Variants in WWOX observed in about 807,000 individuals in gnomAD.
The protein encoded by WWOX is WW domain-containing oxidoreductase.
In WWOX, 69 loss-of-function variants were observed where a neutral mutation model predicts 46.2. That is an observed-to-expected ratio of 1.49 (90% CI 1.23 to 1.82). The LOEUF is 1.82. Ranked by LOEUF, WWOX falls within the 40% of genes most tolerant of loss-of-function variation. The pLI is 0.00. For synonymous variants in WWOX, 359 were observed against 202.6 expected, an observed-to-expected ratio of 1.77 and a Z score of -6.56; for missense variants, 919 against 542.6, an observed-to-expected ratio of 1.69 and a Z score of -6.89.
chr16:78,451,878 G>T (rs2083698112), intron 8 of WWOX, among the ~76,000 whole-genome samples: 1 of 152,170 alleles, frequency 6.6e-6, no homozygotes, highest in Non-Finnish European at 1.5e-5. Flanking sequence ...GAAAATCCTT[G>T]GGGAGCCGCC....
intron 8 of WWOX, among the ~76,000 whole-genome samples, chr16:78,681,531 G>A: frequency 7.1e-6 from 1 of 141,162 alleles, no homozygotes; most frequent in African/African-American, 2.8e-5. Context: ...TGCCACCCAA[G>A]ATTTCCTCCA....
chr16:79,106,703 C>A (rs919323910), intron 8 of WWOX: 1 of 145,558 alleles, frequency 6.9e-6, no homozygotes, highest in Non-Finnish European at 1.5e-5. Flanking sequence ...TGGGCTCAAG[C>A]AACTCTCCTG....
chr16:79,017,873 G>A (rs1406063965), intron 8 of WWOX, among the ~76,000 whole-genome samples: 1 of 152,178 alleles, frequency 6.6e-6, no homozygotes, highest in East Asian at 1.9e-4. Context: ...CCTGTGGACT[G>A]TAGTTTGCTG....
intron 8 of WWOX, among the ~76,000 whole-genome samples, chr16:78,764,175 G>T (rs1425303043): frequency 6.6e-6 from 1 of 152,146 alleles, no homozygotes; most frequent in Admixed American, 6.5e-5. Context: ...GCAGGTTACA[G>T]GGTGCCATAT....
At chr16:78,254,346 A>G (rs2038065440) in intron 5 of WWOX, among the ~76,000 whole-genome samples, 1 of 151,926 alleles carries the variant, frequency 6.6e-6, no homozygotes, top group Admixed American at 6.6e-5. Context: ...CGGCCTCCCA[A>G]AATGTTGGGA....
intron 8 of WWOX, among the ~76,000 whole-genome samples, chr16:78,559,798 A>G (rs2044390876): frequency 6.6e-6 from 1 of 152,226 alleles, no homozygotes. Flanking sequence ...GACAATTCTC[A>G]GCCCATTCAT....
intron 5 of WWOX, among the ~76,000 whole-genome samples, chr16:78,237,000 G>T (rs182146219): frequency 1.3e-5 from 2 of 151,034 alleles, no homozygotes; most frequent in Non-Finnish European, 2.9e-5. Flanking sequence ...CTTGAACCCA[G>T]GAGGCGGAGG....
chr16:78,211,686 T>C (rs1389789522), intron 5 of WWOX, among the ~76,000 whole-genome samples: 3 of 152,166 alleles, frequency 2.0e-5, no homozygotes, highest in Non-Finnish European at 4.4e-5. Flanking sequence ...GAGAAGTGGT[T>C]CCAGAAGGAA....
intron 8 of WWOX, among the ~76,000 whole-genome samples, chr16:79,078,581 T>G (rs1245525232): frequency 6.6e-6 from 1 of 152,214 alleles, no homozygotes; most frequent in East Asian, 1.9e-4. Flanking sequence ...TCCCTCGCCA[T>G]AGGAGAATCT....
chr16:78,490,840 G>A (rs1210159775), intron 8 of WWOX, among the ~76,000 whole-genome samples: 2 of 152,130 alleles, frequency 1.3e-5, no homozygotes, highest in African/African-American at 4.8e-5. Context: ...AAATGGCTCC[G>A]AGAAGCTCAC....
At position 78,454,771 on chromosome 16, in the gene WWOX, G is replaced by T. The variant is rs545031283; in HGVS notation, c.1056+22019G>T. ...CTCAGCCTCCCAAAGTGCTGGGATT[G>T]CAGGCTTGAGCCACCGTGCCCACCT... On this transcript the variant is annotated intron_variant, in intron 8 of 8. Coordinates refer to ENST00000566780, the MANE Select transcript of WWOX (RefSeq NM_016373.4). 2.2e-3 allele frequency among the ~76,000 whole-genome samples: 333 copies of T among 152,186 alleles called. 2 individuals are homozygous for T. The highest frequency in any genetic ancestry group is 7.6e-3 in the African/African-American group (315 of 41,542).
chr16:78,448,893 A>T (rs1440609175), intron 8 of WWOX, among the ~76,000 whole-genome samples: 5 of 152,186 alleles, frequency 3.3e-5, no homozygotes, highest in African/African-American at 9.7e-5. Context: ...AAATAGGATT[A>T]TAATGACACC....
At chr16:78,432,300 T>A (rs2083239958) in intron 7 of WWOX, among the ~76,000 whole-genome samples, 188 bp from the exon 8 acceptor site, 1 of 151,950 alleles carries the variant, frequency 6.6e-6, no homozygotes, top group Non-Finnish European at 1.5e-5. Context: ...GAGATGGCAT[T>A]TTGCCATGTT....
chr16:79,035,429 G>A (rs939033662), intron 8 of WWOX, among the ~76,000 whole-genome samples: 2 of 151,826 alleles, frequency 1.3e-5, no homozygotes, highest in Admixed American at 6.6e-5. Flanking sequence ...TGTGAACAGG[G>A]CTAATGGTTT....
intron 8 of WWOX, among the ~76,000 whole-genome samples, chr16:79,118,383 G>C (rs1432292141): frequency 6.6e-6 from 1 of 152,164 alleles, no homozygotes; most frequent in Non-Finnish European, 1.5e-5. Context: ...GGACATCAAA[G>C]ATCACTGATC....
chr16:78,760,769 C>T (rs1567542029), intron 8 of WWOX, among the ~76,000 whole-genome samples: 1 of 152,162 alleles, frequency 6.6e-6, no homozygotes, highest in Non-Finnish European at 1.5e-5. Flanking sequence ...TTACAGGCTG[C>T]ATTAGTCTGT....
intron 8 of WWOX, among the ~76,000 whole-genome samples, chr16:78,558,920 C>T (rs961515913): frequency 3.3e-5 from 5 of 152,242 alleles, no homozygotes; most frequent in Non-Finnish European, 7.3e-5. Flanking sequence ...CTAACCCCTA[C>T]AACCATGGTC....
intron 8 of WWOX, among the ~76,000 whole-genome samples, chr16:78,955,814 AT>A (rs140198056): frequency 0.036 from 5,384 of 151,342 alleles, 337 homozygotes; most frequent in African/African-American, 0.12. Context: ...CCTCTGGCTA[AT>A]TTATTTTTTG....
At chr16:78,321,362 A>ATATATGCG (rs200763703) in intron 5 of WWOX, among the ~76,000 whole-genome samples, 1 of 58,604 alleles carries the variant, frequency 1.7e-5, no homozygotes, top group African/African-American at 8.6e-5. Flanking sequence ...ATATATGCGT[A>ATATATGCG]TATATATACG....
Sources: gnomAD v4.1 joint callset for allele counts (sites outside exome capture counted in the v4.1 genomes callset) on GRCh38, gnomAD v4.1.1 for gene constraint, MANE v1.5 for transcripts, NCBI Gene and HGNC (gene_info 2026-07-23, HGNC 2026-07-21) for gene names.